SAMD3: variants seen among roughly 807,000 people sequenced by gnomAD.
The protein encoded by SAMD3 is sterile alpha motif domain containing 3.
In SAMD3, 63 loss-of-function variants were observed where a neutral mutation model predicts 58.5. The observed-to-expected ratio is 1.08, with a 90% CI of 0.88 to 1.33. SAMD3 has a LOEUF of 1.33. SAMD3 is among the 40% of genes most tolerant of loss of function. SAMD3 has a pLI of 0.00. For synonymous variants in SAMD3, 220 were observed against 210.3 expected, an observed-to-expected ratio of 1.05 and a Z score of -0.40; for missense variants, 604 against 608.4, an observed-to-expected ratio of 0.99 and a Z score of 0.08.
At chr6:130,186,767 A>ATTTTTTTT (rs35592601) in intron 5 of SAMD3, among the ~76,000 whole-genome samples, 10 of 107,034 alleles carry the variant, frequency 9.3e-5, no homozygotes, top group African/African-American at 1.1e-4. Flanking sequence ...CCTTCCTGGG[A>ATTTTTTTT]TTTTTTTTTT....
chr6:130,164,215 G>A (rs1303147957), intron 8 of SAMD3, among the ~76,000 whole-genome samples: 1 of 152,052 alleles, frequency 6.6e-6, no homozygotes, highest in Non-Finnish European at 1.5e-5. Flanking sequence ...CTATGTTTCA[G>A]ACTTAGAGAA....
At chr6:130,232,339 C>T (rs891936425) in intron 2 of SAMD3, among the ~76,000 whole-genome samples, 1 of 152,148 alleles carries the variant, frequency 6.6e-6, no homozygotes, top group Non-Finnish European at 1.5e-5. Context: ...TTTGAGAGTT[C>T]CCAAGCAGGA....
At chr6:130,304,691 T>A (rs1775856644) in intron 2 of SAMD3, among the ~76,000 whole-genome samples, 1 of 152,002 alleles carries the variant, frequency 6.6e-6, no homozygotes, top group Admixed American at 6.5e-5. Flanking sequence ...CTTGCTAAGT[T>A]CCATGAAAAA....
intron 8 of SAMD3, chr6:130,162,080 A>T (rs1255430571): frequency 3.8e-6 from 2 of 527,380 alleles, no homozygotes; most frequent in Non-Finnish European, 6.7e-6. Flanking sequence ...AATCAGCGTA[A>T]ATTAACCAGA....
At chr6:130,188,517 G>A (rs745833855) in intron 5 of SAMD3, among the ~76,000 whole-genome samples, 11 of 152,162 alleles carry the variant, frequency 7.2e-5, no homozygotes, top group Non-Finnish European at 1.3e-4. Flanking sequence ...TCACTGGTCC[G>A]TGATTGCATT....
At chr6:130,273,939 C>A (rs1351527523) in intron 2 of SAMD3, among the ~76,000 whole-genome samples, 3 of 130,618 alleles carry the variant, frequency 2.3e-5, no homozygotes, top group Non-Finnish European at 4.6e-5. Flanking sequence ...TACACACCAT[C>A]ATTACAGTAT....
intron 2 of SAMD3, among the ~76,000 whole-genome samples, chr6:130,230,036 G>C (rs760246773): frequency 7.2e-5 from 11 of 152,184 alleles, no homozygotes; most frequent in African/African-American, 2.2e-4. Context: ...AGCAAATTGT[G>C]ATGTACAGCA....
At chr6:130,365,080 G>A in intron 1 of SAMD3, 1 of 726,200 alleles carries the variant, frequency 1.4e-6, no homozygotes, top group Middle Eastern at 7.0e-4. Context: ...GGGGGTGGTT[G>A]GAATATCCGG....
intron 1 of SAMD3, among the ~76,000 whole-genome samples, chr6:130,217,230 A>G (rs1796051629): frequency 6.6e-6 from 1 of 152,196 alleles, no homozygotes; most frequent in African/African-American, 2.4e-5. Flanking sequence ...GTAACTTTAC[A>G]ACTTCTTCTC....
At chr6:130,296,516 C>T (rs1375157288) in intron 2 of SAMD3, among the ~76,000 whole-genome samples, 1 of 152,150 alleles carries the variant, frequency 6.6e-6, no homozygotes, top group African/African-American at 2.4e-5. Context: ...TCCTGCCTTC[C>T]CCGATAACTT....
chr6:130,313,870 T>C (rs1776270468), intron 1 of SAMD3, among the ~76,000 whole-genome samples: 1 of 152,248 alleles, frequency 6.6e-6, no homozygotes, highest in Non-Finnish European at 1.5e-5. Flanking sequence ...TTCTGTTTTC[T>C]CTGGTCTGCC....
intron 9 of SAMD3, among the ~76,000 whole-genome samples, chr6:130,152,509 T>A (rs1456569837): frequency 6.6e-6 from 1 of 151,998 alleles, no homozygotes; most frequent in Non-Finnish European, 1.5e-5. Context: ...AAACCCCATC[T>A]CTACTAAAAA....
At chr6:130,334,441 C>T (rs1472825843) in intron 1 of SAMD3, among the ~76,000 whole-genome samples, 2 of 152,172 alleles carry the variant, frequency 1.3e-5, no homozygotes, top group African/African-American at 4.8e-5. Flanking sequence ...CATAGTTCAC[C>T]TCTTTCATTT....
chr6:130,343,535 C>T (rs1292533510), intron 1 of SAMD3, among the ~76,000 whole-genome samples: 1 of 152,154 alleles, frequency 6.6e-6, no homozygotes, highest in Non-Finnish European at 1.5e-5. Flanking sequence ...AGCTGGTTCA[C>T]TGTGGGGAGA....
intron 8 of SAMD3, among the ~76,000 whole-genome samples, chr6:130,168,349 C>T (rs563173600): frequency 6.6e-6 from 1 of 152,154 alleles, no homozygotes; most frequent in South Asian, 2.1e-4. Flanking sequence ...GCAGGAGAAT[C>T]GCTTGAATCC....
intron 5 of SAMD3, among the ~76,000 whole-genome samples, chr6:130,197,432 G>T (rs541785644): frequency 6.6e-6 from 1 of 152,262 alleles, no homozygotes; most frequent in South Asian, 2.1e-4. Flanking sequence ...AATAATCTTT[G>T]CTGGTAGGAC....
intron 2 of SAMD3, among the ~76,000 whole-genome samples, chr6:130,300,976 C>T (rs1391484513): frequency 6.6e-6 from 1 of 152,090 alleles, no homozygotes; most frequent in Non-Finnish European, 1.5e-5. Context: ...CCTCAGCCCC[C>T]CACCTCCAAC....
intron 2 of SAMD3, among the ~76,000 whole-genome samples, chr6:130,239,424 C>T (rs1337955638): frequency 6.6e-6 from 1 of 152,054 alleles, no homozygotes; most frequent in Non-Finnish European, 1.5e-5. Flanking sequence ...GAAAAATTTA[C>T]AAATAAATTT....
chr6:130,198,736 CA>C (rs551411834), intron 5 of SAMD3, among the ~76,000 whole-genome samples: 17 of 152,130 alleles, frequency 1.1e-4, no homozygotes, highest in Admixed American at 3.3e-4. Context: ...TCTGGAAACA[CA>C]AAAGGTATCT....
Sources: allele counts gnomAD v4.1 joint callset (sites outside exome capture counted in the v4.1 genomes callset), GRCh38; gene constraint gnomAD v4.1.1; transcripts MANE v1.5; gene names NCBI Gene and HGNC (gene_info 2026-07-23, HGNC 2026-07-21).